PIKFYVE: variants seen among roughly 807,000 people sequenced by gnomAD.
The protein encoded by PIKFYVE is 1-phosphatidylinositol 3-phosphate 5-kinase.
In PIKFYVE, 122 loss-of-function variants were observed where a neutral mutation model predicts 257.9. The ratio of observed to expected loss-of-function variants is 0.47; its 90% CI spans 0.41 to 0.55. The LOEUF is 0.55. PIKFYVE is among the 20% of genes least tolerant of loss of function. The pLI is 0.00. For missense variants in PIKFYVE, 2,160 were observed against 2,536.6 expected, an observed-to-expected ratio of 0.85 and a Z score of 3.19; for synonymous variants, 892 against 868.9, an observed-to-expected ratio of 1.03 and a Z score of -0.47.
In PIKFYVE at chr2:208,317,833, T is replaced by C. The variant is rs771249089; in HGVS notation, c.2008-34T>C. 3.2e-6 allele frequency: 5 copies of C among 1,542,352 alleles called. No homozygotes were observed. The South Asian group carries it at 3.3e-5, about 10-fold the overall frequency. On this transcript the variant is annotated intron_variant, in intron 15 of 41. Transcript: ENST00000264380. ...TAACTAGATTCTAAGCATGTTATCATTGAATTTTATTGTTTTCTTAATTGT... is the reference window on the plus strand; with the variant it reads ...TAACTAGATTCTAAGCATGTTATCACTGAATTTTATTGTTTTCTTAATTGT...
At chr2:208,298,590 T>G in intron 7 of PIKFYVE, 51 bp from the exon 8 acceptor site, 2 of 1,601,998 alleles carry the variant, frequency 1.2e-6, no homozygotes, top group South Asian at 1.1e-5. Context: ...TAATTCTGTT[T>G]ATTGAAGAAG....
chr2:208,333,392 G>T lies in PIKFYVE; in HGVS notation c.4041G>T (p.Gly1347=). The change falls in exon 24 of 42, where the codon GGG becomes GGT. Residue 1347 remains glycine (G), a synonymous_variant. Transcript: ENST00000264380. ...AATACCTTGAACTTAGGTTTTATGG[G>T]CACCAGTATACTCGCAGAGCCAACG... ...FAKYLELRFY[G]HQYTRRANAE... 1 of 1,613,928 alleles carries T rather than the reference G, an allele frequency of 6.2e-7. No homozygotes were observed. The highest frequency in any genetic ancestry group is 2.2e-5 in the East Asian group (1 of 44,874).
chr2:208,335,527 G>T, intron 25 of PIKFYVE, 108 bp downstream of exon 25: 1 of 947,150 alleles, frequency 1.1e-6, no homozygotes. Context: ...CTAATTGTAT[G>T]CTATGCATGC....
chr2:208,352,762 T>C lies in PIKFYVE; in HGVS notation c.5824T>C (p.Tyr1942His). The C allele has an allele frequency of 6.2e-7, 1 of 1,613,594 alleles. No homozygotes were observed. The highest frequency in any genetic ancestry group is 8.5e-7 in the Non-Finnish European group (1 of 1,179,720). Residue 1942 changes from tyrosine to histidine, a missense_variant, in exon 39 of 42, where the codon TAC becomes CAC. By Grantham distance (83) the Tyr-to-His change is moderately conservative. Around this residue, in one of 12 missense-constraint regions of PIKFYVE, gnomAD observed 699 missense variants for 855.8 expected, o/e 0.82. Coordinates refer to ENST00000264380, the MANE Select transcript of PIKFYVE (RefSeq NM_015040.4). ...TCTCCTTGTCATGGAAAATCTTTTC[T>C]ACGGGAGAAAGATGGCACAGGTAAG... ...LDLLVMENLFYGRKMAQVFDL... is the reference protein window; with the variant it reads ...LDLLVMENLFHGRKMAQVFDL...
intron 39 of PIKFYVE, 131 bp downstream of exon 39, chr2:208,352,913 T>G (rs1210731028): frequency 8.3e-7 from 1 of 1,204,514 alleles, no homozygotes; most frequent in Non-Finnish European, 1.2e-6. Flanking sequence ...TAGGCCATAT[T>G]TAACTTTTGA....
intron 12 of PIKFYVE, among the ~76,000 whole-genome samples, chr2:208,306,136 A>T (rs1694285915): frequency 6.6e-6 from 1 of 152,242 alleles, no homozygotes; most frequent in African/African-American, 2.4e-5. Context: ...GGTACTGAAG[A>T]GTTATAGTAA....
chr2:208,271,733 T>C, intron 2 of PIKFYVE, 42 bp downstream of exon 2: 4 of 1,574,472 alleles, frequency 2.5e-6, no homozygotes, highest in Non-Finnish European at 2.6e-6. Flanking sequence ...CAGGTCTGAT[T>C]GTTTGAAATG....
At chr2:208,352,112 A>G (rs1413619987) in intron 38 of PIKFYVE, among the ~76,000 whole-genome samples, 1 of 152,218 alleles carries the variant, frequency 6.6e-6, no homozygotes, top group East Asian at 1.9e-4. Context: ...ATTAGTTTAT[A>G]TAAAAAATCA....
intron 15 of PIKFYVE, among the ~76,000 whole-genome samples, chr2:208,316,358 G>A (rs1271939709): frequency 6.6e-6 from 1 of 152,036 alleles, no homozygotes; most frequent in African/African-American, 2.4e-5. Flanking sequence ...TGTCTTTATA[G>A]CAGCATGATT....
rs764410339 is a variant in PIKFYVE, at chr2:208,298,691, T to A, written c.962T>A (p.Val321Glu). 1.4e-5 allele frequency: 23 copies of A among 1,613,744 alleles called. No individual in the cohort carries two copies. The highest frequency in any genetic ancestry group is 1.9e-5 in the Non-Finnish European group (23 of 1,179,744). ...LSLDRSGSPM[V>E]PSYETSVSPQ... ...CTGGATAGATCTGGTTCTCCTATGG[T>A]ACCTTCATATGAGACATCTGTCAGT... The change falls in exon 8 of 42, where the codon GTA becomes GAA. Residue 321 changes from valine (V) to glutamate (E), a missense_variant. By Grantham distance (121) the Val-to-Glu change is moderately radical (BLOSUM62 -2). Coordinates refer to ENST00000264380, the MANE Select transcript of PIKFYVE (RefSeq NM_015040.4).
In PIKFYVE at chr2:208,272,040, C is replaced by T. The variant is rs547559281; in HGVS notation, c.172+349C>T. On this transcript the variant is annotated intron_variant, in intron 2 of 41. Coordinates refer to ENST00000264380, the MANE Select transcript of PIKFYVE (RefSeq NM_015040.4). ...ACGAGGTCAGGAGATCAAGACCATC[C>T]TGGCTAACACGGTGAAATCCCGTCT... is the stretch of plus-strand genomic sequence containing the variant. Among the ~76,000 whole-genome samples the T allele has an allele frequency of 1.7e-4, 26 of 152,222 alleles. No homozygotes were observed. The South Asian group carries it at 5.0e-3, about 29-fold the overall frequency.
Position 208,298,736 on chromosome 2 carries a change from A to G in PIKFYVE, c.1007A>G (p.Tyr336Cys), listed in dbSNP as rs139781311. The G allele has an allele frequency of 4.1e-5, 66 of 1,614,144 alleles. No individual in the cohort carries two copies. The highest frequency in any genetic ancestry group is 5.5e-5 in the Non-Finnish European group (65 of 1,180,008). ...GTCAGTCCCCAGGCTAACCGAACAT[A>G]TGTTAGGACAGAGACCACTGAGGAT... ...TSVSPQANRT[Y>C]VRTETTEDER... Residue 336 changes from tyrosine to cysteine, a missense_variant, in exon 8 of 42, where the codon TAT (tyrosine) becomes TGT (cysteine). Tyr to Cys is a radical substitution (Grantham distance 194). Around this residue, in one of 12 missense-constraint regions of PIKFYVE, gnomAD observed 187 missense variants for 185.6 expected, o/e 1.01. Transcript: ENST00000264380.
chr2:208,343,163 A>G (rs578257801), intron 32 of PIKFYVE, among the ~76,000 whole-genome samples: 8 of 152,198 alleles, frequency 5.3e-5, no homozygotes, highest in Admixed American at 5.2e-4. Context: ...ATTCCTAAGT[A>G]AGCTCCTAAT....
In PIKFYVE at chr2:208,302,309, G is replaced by A. The variant is rs773667757; in HGVS notation, c.1276G>A (p.Asp426Asn). ...TTGGCTGGATTGTGTTAGTCATCACGACCAGCTTTTCAGAGATGAGTATGC... is the reference window on the plus strand; with the variant it reads ...TTGGCTGGATTGTGTTAGTCATCACAACCAGCTTTTCAGAGATGAGTATGC... ...GRWLDCVSHH[D>N]QLFRDEYALY... Residue 426 changes from aspartate to asparagine, a missense_variant, in exon 10 of 42, where the codon GAC (aspartate) becomes AAC (asparagine). Around this residue, in one of 12 missense-constraint regions of PIKFYVE, gnomAD observed 90 missense variants for 110.6 expected, o/e 0.81. Transcript: ENST00000264380. 2 of 1,614,088 alleles carry A rather than the reference G, an allele frequency of 1.2e-6. No individual in the cohort carries two copies. The highest frequency in any genetic ancestry group is 1.1e-5 in the South Asian group (1 of 91,044).
At chr2:208,274,063 C>T (rs1689777608) in intron 3 of PIKFYVE, 1 of 1,610,946 alleles carries the variant, frequency 6.2e-7, no homozygotes, top group Non-Finnish European at 8.5e-7. Flanking sequence ...GGTTAGTTTC[C>T]ACTTTGTGAA....
Position 208,302,227 on chromosome 2 carries a change from T to A in PIKFYVE, c.1209-15T>A. 1 of 1,611,662 alleles carries A rather than the reference T, an allele frequency of 6.2e-7. No homozygotes were observed. The highest frequency in any genetic ancestry group is 1.1e-5 in the South Asian group (1 of 91,038). On this transcript the variant is annotated splice_polypyrimidine_tract_variant and intron_variant, in intron 9 of 41. Coordinates refer to ENST00000264380, the MANE Select transcript of PIKFYVE (RefSeq NM_015040.4). ...TGACTTTTAAAACTTTTCATTTTTG[T>A]GGGTCTTGATTCAGGGCACAAGCTA...
chr2:208,274,188 G>A (rs1039836201), intron 3 of PIKFYVE: 36 of 945,912 alleles, frequency 3.8e-5, no homozygotes, highest in Admixed American at 6.3e-5. Flanking sequence ...TTCTGTCCTT[G>A]TTGGGGTGCA....
intron 7 of PIKFYVE, among the ~76,000 whole-genome samples, chr2:208,289,853 C>T (rs1355135801): frequency 2.0e-5 from 3 of 152,182 alleles, no homozygotes; most frequent in African/African-American, 7.2e-5. Context: ...CAGGTGTGAG[C>T]CACTGCATCT....
intron 5 of PIKFYVE, among the ~76,000 whole-genome samples, chr2:208,284,924 G>A (rs1443135166): frequency 6.6e-6 from 1 of 151,832 alleles, no homozygotes; most frequent in Admixed American, 6.6e-5. Flanking sequence ...CCGCCCTCAA[G>A]CAGTCCTTCT....
Sources: gnomAD v4.1 joint callset for allele counts (sites outside exome capture counted in the v4.1 genomes callset) on GRCh38, gnomAD v4.1.1 for gene constraint, gnomAD v4.1.1 regional missense constraint, MANE v1.5 for transcripts, NCBI Gene and HGNC (gene_info 2026-07-23, HGNC 2026-07-21) for gene names.